The following NDUFA10 variants were observed in gnomAD, a reference collection of about 807,000 sequenced individuals.
The protein encoded by NDUFA10 is NADH dehydrogenase [ubiquinone] 1 alpha subcomplex subunit 10, mitochondrial.
NDUFA10 carries 40 observed loss-of-function variants against 47.8 expected under a neutral mutation model. The ratio of observed to expected loss-of-function variants is 0.84; its 90% CI spans 0.65 to 1.09. The LOEUF is 1.09. Among genes scored for constraint, NDUFA10 ranks in the 50% least tolerant of loss-of-function variants. The pLI is 0.00. For synonymous variants in NDUFA10, 183 were observed against 172.2 expected (o/e 1.06, Z -0.49); for missense variants, 413 against 451.1 (o/e 0.92, Z 0.76).
At position 239,918,778 on chromosome 2, in the gene NDUFA10, G is replaced by A. The variant is rs970913370; in HGVS notation, c.295-23464C>T. Among the ~76,000 whole-genome samples the A allele has an allele frequency of 3.9e-5, 6 of 152,272 alleles. 1 individual carries two copies. In the South Asian group the frequency reaches 6.2e-4, roughly 16 times the overall value. ...CCACGCATGGTGACTGGTTACCCAC[G>A]TCAGCTCCCACCCGTGTCCTCGCTC... On this transcript the variant is annotated intron_variant, in intron 4 of 5. Coordinates refer to the NDUFA10 transcript ENST00000419408.
At chr2:239,946,267 C>T (rs1559303594) in intron 4 of NDUFA10, among the ~76,000 whole-genome samples, 1 of 152,236 alleles carries the variant, frequency 6.6e-6, no homozygotes, top group Non-Finnish European at 1.5e-5. Flanking sequence ...GAGCCCTGCA[C>T]TCCATACCAC....
intron 9 of NDUFA10, among the ~76,000 whole-genome samples, chr2:239,962,114 C>T (rs905539063): frequency 1.3e-5 from 2 of 152,108 alleles, no homozygotes; most frequent in African/African-American, 4.8e-5. Flanking sequence ...CAGGAGAAAG[C>T]GCTCAGCACG....
chr2:239,898,104 G>T (rs1693432413), intron 4 of NDUFA10, among the ~76,000 whole-genome samples: 1 of 152,202 alleles, frequency 6.6e-6, no homozygotes, highest in Admixed American at 6.5e-5. Context: ...CACAGATGGA[G>T]CAAGGACTGT....
chr2:240,014,028 G>A (rs916534074), intron 5 of NDUFA10: 1 of 152,244 alleles, frequency 6.6e-6, no homozygotes, highest in African/African-American at 2.4e-5. Context: ...AGCTTGCAGT[G>A]AGCCGAGATC....
At position 240,021,267 on chromosome 2, in the gene NDUFA10, G is replaced by A. The variant is rs763615725; in HGVS notation, c.390C>T (p.Arg130=). The part of the protein sequence containing the change: ...DPRSNDGNSY[R]LQSWLYSSRL... ...GACTGCTGTACAACCAGGACTGCAG[G>A]CGGTAACTGTTGCCATCATTGCTTC... The change falls in exon 3 of 10, where the codon CGC becomes CGT. Residue 130 remains arginine (R), a synonymous_variant. Transcript: ENST00000252711. 4 of 1,614,100 alleles carry A rather than the reference G, an allele frequency of 2.5e-6. No individual in the cohort carries two copies. Among genetic ancestry groups the A allele is most frequent in the Non-Finnish European group, 3.4e-6 (4 of 1,180,046 alleles).
At chr2:239,901,868 C>G (rs1321433770) in intron 4 of NDUFA10, among the ~76,000 whole-genome samples, 1 of 152,022 alleles carries the variant, frequency 6.6e-6, no homozygotes, top group Non-Finnish European at 1.5e-5. Flanking sequence ...GTGGAGGAAG[C>G]AACTGCAGAT....
chr2:239,946,036 G>A (rs991418900), intron 4 of NDUFA10, among the ~76,000 whole-genome samples: 1 of 152,202 alleles, frequency 6.6e-6, no homozygotes, highest in Non-Finnish European at 1.5e-5. Flanking sequence ...TGAACAGGGA[G>A]CCCAGGCTTC....
chr2:239,939,468 G>A (rs905824474), intron 4 of NDUFA10, among the ~76,000 whole-genome samples: 1 of 152,250 alleles, frequency 6.6e-6, no homozygotes, highest in Non-Finnish European at 1.5e-5. Flanking sequence ...GTACTCCAAC[G>A]TGTCTGCCAT....
At chr2:239,947,336 G>A (rs1421607838) in intron 4 of NDUFA10, among the ~76,000 whole-genome samples, 2 of 152,324 alleles carry the variant, frequency 1.3e-5, no homozygotes, top group Admixed American at 6.5e-5. Flanking sequence ...AGCCCCCAGG[G>A]ACAGAGCTCC....
At chr2:239,964,994 T>C (rs1695001889) in intron 9 of NDUFA10, among the ~76,000 whole-genome samples, 2 of 152,232 alleles carry the variant, frequency 1.3e-5, no homozygotes, top group South Asian at 4.1e-4. Flanking sequence ...TCAATTAAAG[T>C]TGTCATTTAA....
chr2:239,992,345 G>A (rs1421120204), intron 8 of NDUFA10, among the ~76,000 whole-genome samples: 1 of 152,124 alleles, frequency 6.6e-6, no homozygotes, highest in Non-Finnish European at 1.5e-5. Context: ...CAAGAGTAAG[G>A]CAGGAACACA....
intron 4 of NDUFA10, among the ~76,000 whole-genome samples, chr2:239,919,966 T>C (rs1693940775): frequency 6.6e-6 from 1 of 152,150 alleles, no homozygotes; most frequent in African/African-American, 2.4e-5. Flanking sequence ...GTCCAAGGCC[T>C]GAAATTAAGG....
chr2:240,011,509 A>T, intron 6 of NDUFA10, 108 bp downstream of exon 6: 1 of 813,306 alleles, frequency 1.2e-6, no homozygotes, highest in Non-Finnish European at 2.2e-6. Flanking sequence ...CATCTCAGAC[A>T]ATATCCACTG....
At chr2:239,923,553 A>G (rs2106369485) in intron 4 of NDUFA10, among the ~76,000 whole-genome samples, 1 of 152,282 alleles carries the variant, frequency 6.6e-6, no homozygotes, top group East Asian at 1.9e-4. Context: ...TCCTAGAAGA[A>G]AAGTAAATAA....
intron 4 of NDUFA10, among the ~76,000 whole-genome samples, chr2:239,911,042 C>T (rs1209271994): frequency 6.6e-6 from 1 of 152,218 alleles, no homozygotes; most frequent in African/African-American, 2.4e-5. Flanking sequence ...TCTAGACCCA[C>T]CACACACACC....
chr2:239,904,586 T>G (rs957356624), intron 4 of NDUFA10, among the ~76,000 whole-genome samples: 6 of 152,332 alleles, frequency 3.9e-5, no homozygotes, highest in Admixed American at 3.9e-4. Flanking sequence ...TCAGCCACCA[T>G]GCCCAGCCCC....
chr2:239,905,256 C>T (rs571131481), intron 4 of NDUFA10, among the ~76,000 whole-genome samples: 45 of 152,238 alleles, frequency 3.0e-4, no homozygotes, highest in African/African-American at 9.4e-4. Flanking sequence ...AGGGGGCTTC[C>T]TTGGCCACCA....
At chr2:239,927,542 T>C (rs1694084893) in intron 4 of NDUFA10, among the ~76,000 whole-genome samples, 1 of 152,168 alleles carries the variant, frequency 6.6e-6, no homozygotes, top group South Asian at 2.1e-4. Flanking sequence ...TGTATCCCCG[T>C]CATTACACAA....
At chr2:239,962,281 T>G (rs780147138) in intron 9 of NDUFA10, among the ~76,000 whole-genome samples, 6 of 151,918 alleles carry the variant, frequency 3.9e-5, no homozygotes, top group Non-Finnish European at 7.4e-5. Context: ...ACTAAAACCA[T>G]TTTTAAAAGA....
Sources: gnomAD v4.1 joint callset for allele counts (sites outside exome capture counted in the v4.1 genomes callset) on GRCh38, gnomAD v4.1.1 for gene constraint, MANE v1.5 for transcripts, NCBI Gene and HGNC (gene_info 2026-07-23, HGNC 2026-07-21) for gene names.